The following LMX1B variants were observed in gnomAD, a reference collection of about 807,000 sequenced individuals.
The protein encoded by LMX1B is LIM homeobox transcription factor 1 beta.
Under a neutral mutation model 51.4 loss-of-function variants are expected in LMX1B, and 12 were observed. The ratio of observed to expected loss-of-function variants is 0.23; its 90% CI spans 0.15 to 0.38. The LOEUF (loss-of-function observed/expected upper bound fraction) is 0.38, where lower values mean the gene tolerates loss of function less well. Ranked by LOEUF, LMX1B falls within the 10% of genes least tolerant of loss-of-function variation. The pLI is 1.00. For missense variants in LMX1B, 445 were observed against 571.1 expected (o/e 0.78, Z 2.25); for synonymous variants, 237 against 235.4 (o/e 1.01, Z -0.06).
At chr9:126,685,490 T>A (rs1036652923) in intron 2 of LMX1B, among the ~76,000 whole-genome samples, 2 of 152,188 alleles carry the variant, frequency 1.3e-5, no homozygotes, top group African/African-American at 4.8e-5. Flanking sequence ...GCTTTCTCTC[T>A]GAAGTGGTAG....
In LMX1B at chr9:126,641,915, G is replaced by A. The variant is rs1196779305; in HGVS notation, c.326+26346G>A. Among the ~76,000 whole-genome samples, 2 of 152,214 alleles carry A rather than the reference G, an allele frequency of 1.3e-5. No homozygotes were observed. The highest frequency in any genetic ancestry group is 6.5e-5 in the Admixed American group (1 of 15,284). On this transcript the variant is annotated intron_variant, in intron 2 of 7. Transcript: ENST00000373474. The surrounding 1 kb of genome is among the most constrained non-coding windows in gnomAD (Gnocchi z 4.1). Reference sequence around the variant, plus strand: ...TTCACCCACGTTCTCTCAGAACTCTGTGAGATAGGGACCAGCTTATCCCCA... The same window carrying A: ...TTCACCCACGTTCTCTCAGAACTCTATGAGATAGGGACCAGCTTATCCCCA...
intron 2 of LMX1B, among the ~76,000 whole-genome samples, chr9:126,650,090 C>A (rs1413946916): frequency 6.6e-6 from 1 of 152,214 alleles, no homozygotes; most frequent in Non-Finnish European, 1.5e-5. Context: ...CATCCCCCAG[C>A]AGAGGCAGCA....
intron 2 of LMX1B, among the ~76,000 whole-genome samples, chr9:126,674,660 G>A (rs954858481): frequency 3.9e-5 from 6 of 152,100 alleles, no homozygotes; most frequent in South Asian, 2.1e-4. Flanking sequence ...CCCCATCCAC[G>A]TCCACCAGGC....
chr9:126,618,360 G>A lies in LMX1B; in HGVS notation c.326+2791G>A, dbSNP rs1247104325. On this transcript the variant is annotated intron_variant, in intron 2 of 7. Coordinates refer to ENST00000373474, the MANE Select transcript of LMX1B (RefSeq NM_001174147.2). The surrounding 1 kb of genome is among the most constrained non-coding windows in gnomAD (Gnocchi z 4.5). Reference sequence around the variant, plus strand: ...ACCCAGAAGTGCCAAGTTGTCTTACGCACCACGGGGGTGATTAATTGACAC... The same window carrying A: ...ACCCAGAAGTGCCAAGTTGTCTTACACACCACGGGGGTGATTAATTGACAC... 1.3e-5 allele frequency among the ~76,000 whole-genome samples: 2 copies of A among 152,174 alleles called. No individual in the cohort carries two copies. Among genetic ancestry groups the A allele is most frequent in the African/African-American group, 2.4e-5 (1 of 41,426 alleles).
At chr9:126,648,206 A>G (rs978347380) in intron 2 of LMX1B, among the ~76,000 whole-genome samples, 1 of 152,216 alleles carries the variant, frequency 6.6e-6, no homozygotes, top group African/African-American at 2.4e-5. Context: ...ATGGAAATTG[A>G]TCGTTGAGTC....
chr9:126,682,083 CTTTTTTTTTT>C (rs71377953), intron 2 of LMX1B, among the ~76,000 whole-genome samples: 12 of 53,382 alleles, frequency 2.2e-4, no homozygotes, highest in South Asian at 9.4e-4. Flanking sequence ...TCCCCAGGGT[CTTTTTTTTTT>C]TTTTTTTTTT....
chr9:126,638,903 G>A (rs1835762405), intron 2 of LMX1B, among the ~76,000 whole-genome samples: 1 of 152,162 alleles, frequency 6.6e-6, no homozygotes, highest in Admixed American at 6.5e-5. Flanking sequence ...CCTATTGGGC[G>A]CTTCCACTGC....
chr9:126,658,549 C>T lies in LMX1B; in HGVS notation c.327-32287C>T, dbSNP rs1836162696. 6.6e-6 allele frequency among the ~76,000 whole-genome samples: 1 copy of T among 152,180 alleles called. No individual in the cohort carries two copies. Among genetic ancestry groups the T allele is most frequent in the South Asian group, 2.1e-4 (1 of 4,834 alleles). On this transcript the variant is annotated intron_variant, in intron 2 of 7. Transcript: ENST00000373474. The surrounding 1 kb of genome is among the most constrained non-coding windows in gnomAD (Gnocchi z 4.0). ...GAGATCAGAAATCAGGAGCTCTCCT[C>T]AGAAGAAGGTGGCCTCGCCCCTCAT...
At chr9:126,632,825 G>A (rs1049836794) in intron 2 of LMX1B, among the ~76,000 whole-genome samples, 1 of 152,224 alleles carries the variant, frequency 6.6e-6, no homozygotes, top group Non-Finnish European at 1.5e-5. Flanking sequence ...GAGCCGGCTT[G>A]ACCTGTGCAG....
rs577932463 is a variant in LMX1B, at chr9:126,625,681, C to G, written c.326+10112C>G. ...CACGGAAACCCTCTTCTCCGCCAGG[C>G]CCGTGGCGCCTTTCTCGCCACCTCC... On this transcript the variant is annotated intron_variant, in intron 2 of 7. Coordinates refer to ENST00000373474, the MANE Select transcript of LMX1B (RefSeq NM_001174147.2). The surrounding 1 kb of genome is among the most constrained non-coding windows in gnomAD (Gnocchi z 5.3). Among the ~76,000 whole-genome samples the G allele has an allele frequency of 1.3e-5, 2 of 152,348 alleles. No homozygotes were observed. The highest frequency in any genetic ancestry group is 4.8e-5 in the African/African-American group (2 of 41,582).
In LMX1B at chr9:126,615,266, C is replaced by T; in HGVS notation, c.140-117C>T. On this transcript the variant is annotated intron_variant, in intron 1 of 7. Coordinates refer to ENST00000373474, the MANE Select transcript of LMX1B (RefSeq NM_001174147.2). The surrounding 1 kb of genome is among the most constrained non-coding windows in gnomAD (Gnocchi z 6.0). ...CGGTCCGGGGAGCGCAGGCGGCAGG[C>T]GGTGATCCCGGGCGGCCCGAGCCCT... 3.4e-6 allele frequency: 2 copies of T among 586,852 alleles called. No homozygotes were observed. Among genetic ancestry groups the T allele is most frequent in the Non-Finnish European group, 4.7e-6 (2 of 423,366 alleles). The allele number at this position is 586,852 out of a possible 1,614,324, so 36.4% of individuals were successfully genotyped here. A position where few individuals can be genotyped will look rare whatever the true frequency, so the allele number is the denominator to read the frequency against.
chr9:126,662,041 G>A (rs920150907), intron 2 of LMX1B, among the ~76,000 whole-genome samples: 26 of 152,322 alleles, frequency 1.7e-4, no homozygotes, highest in South Asian at 4.1e-4. Context: ...CGGGGCAGCC[G>A]AGCCCCCTGC....
chr9:126,692,411 A>G (rs2030162807), intron 3 of LMX1B, among the ~76,000 whole-genome samples: 1 of 152,222 alleles, frequency 6.6e-6, no homozygotes, highest in African/African-American at 2.4e-5. Context: ...TCTGAGACCC[A>G]AACCTGGGGC....
chr9:126,621,575 A>G (rs535158699), intron 2 of LMX1B, among the ~76,000 whole-genome samples: 2 of 150,924 alleles, frequency 1.3e-5, no homozygotes, highest in South Asian at 4.2e-4. Flanking sequence ...CATGTCATAA[A>G]TGTCTCCTGT....
chr9:126,641,157 T>A lies in LMX1B; in HGVS notation c.326+25588T>A, dbSNP rs1437212672. 6.6e-6 allele frequency: 1 copy of A among 152,272 alleles called. No individual in the cohort carries two copies. Among genetic ancestry groups the A allele is most frequent in the East Asian group, 1.9e-4 (1 of 5,186 alleles). The allele number at this position is 152,272 out of a possible 1,614,324, so 9.4% of individuals were successfully genotyped here. ...CTGTGGGAAACAGCCTTGGGCCTTC[T>A]GGGGAGGTCTGTGCAGGCTCCTCTG... On this transcript the variant is annotated intron_variant, in intron 2 of 7. Coordinates refer to ENST00000373474, the MANE Select transcript of LMX1B (RefSeq NM_001174147.2). This position sits in a 1 kb window ranked among gnomAD's most constrained non-coding sequence, Gnocchi z 4.1.
intron 2 of LMX1B, among the ~76,000 whole-genome samples, chr9:126,665,387 G>A (rs75477022): frequency 0.013 from 2,053 of 152,366 alleles, 42 homozygotes; most frequent in Non-Finnish European, 0.015. Context: ...TGACTCTGGT[G>A]GCTAAATTGA....
chr9:126,667,776 G>A (rs1836371274), intron 2 of LMX1B, among the ~76,000 whole-genome samples: 1 of 152,224 alleles, frequency 6.6e-6, no homozygotes, highest in African/African-American at 2.4e-5. Context: ...CCAGAAGAAA[G>A]GGATGGCCAA....
At chr9:126,669,878 C>G (rs1197442915) in intron 2 of LMX1B, among the ~76,000 whole-genome samples, 1 of 152,144 alleles carries the variant, frequency 6.6e-6, no homozygotes, top group East Asian at 1.9e-4. Context: ...CCCAGGTACT[C>G]CCCAGGCCAT....
intron 2 of LMX1B, among the ~76,000 whole-genome samples, chr9:126,688,765 G>A (rs2030002481): frequency 6.6e-6 from 1 of 152,196 alleles, no homozygotes; most frequent in Admixed American, 6.5e-5. Context: ...GCAGGCTGGT[G>A]GGGTCCAGCA....
Sources: gnomAD v4.1 joint callset for allele counts (sites outside exome capture counted in the v4.1 genomes callset) on GRCh38, gnomAD v4.1.1 for gene constraint, Gnocchi (gnomAD v3.1) non-coding constraint, MANE v1.5 for transcripts, NCBI Gene and HGNC (gene_info 2026-07-23, HGNC 2026-07-21) for gene names.